FGF22: variants seen among roughly 807,000 people sequenced by gnomAD.
The protein encoded by FGF22 is fibroblast growth factor 22, also known as FGF-22.
A neutral mutation model predicts 10.3 loss-of-function variants in FGF22; 11 were observed. That is an observed-to-expected ratio of 1.07 (90% CI 0.67 to 1.77). FGF22 has a LOEUF of 1.77. Among genes scored for constraint, FGF22 ranks in the 40% most tolerant of loss-of-function variants. The pLI is 0.00. For missense variants in FGF22, 317 were observed against 273.2 expected (o/e 1.16, Z -1.13); for synonymous variants, 136 against 122.1 (o/e 1.11, Z -0.75).
chr19:640,039 C>T (rs1985849624), exon 1 of FGF22: 2 of 1,407,436 alleles, frequency 1.4e-6, no homozygotes, highest in Non-Finnish European at 1.9e-6. Context: ...ACCTGGAGGG[C>T]GACGTGCGCT....
chr19:643,398 C>T lies in FGF22; in HGVS notation c.319-12C>T, dbSNP rs747103045. ...GGTGGGGAGGGTGGGCCGGCCTCAC[C>T]CCCGCCCGCAGCGACTCTACACCGT... On this transcript the variant is annotated splice_polypyrimidine_tract_variant and intron_variant, in intron 2 of 2. Coordinates refer to ENST00000215530, the Ensembl canonical transcript of FGF22. 8.1e-6 allele frequency: 13 copies of T among 1,608,586 alleles called. No individual in the cohort carries two copies. Among genetic ancestry groups the T allele is most frequent in the Non-Finnish European group, 1.0e-5 (12 of 1,177,920 alleles).
At chr19:640,077 T>C in exon 1 of FGF22, 1 of 1,418,816 alleles carries the variant, frequency 7.0e-7, no homozygotes, top group Non-Finnish European at 9.2e-7. Context: ...TCCACTCACT[T>C]CTTCCTGCGC....
exon 3 of FGF22, chr19:643,440 G>A (rs1320855481): frequency 1.2e-6 from 2 of 1,611,462 alleles, no homozygotes; most frequent in East Asian, 2.2e-5. Context: ...CAGGTTCCGG[G>A]AGCGCATCGA....
chr19:640,261 C>T (rs1363645211), intron 1 of FGF22, 122 bp downstream of exon 1: 22 of 596,978 alleles, frequency 3.7e-5, no homozygotes, highest in Non-Finnish European at 4.9e-5. Flanking sequence ...GCAGCCTCGG[C>T]CTCAGTTTCC....
rs771259528 is a variant in FGF22, at chr19:643,195, G to T, written c.215-40G>T. ...ACAGCGGACAGCAGCGGTGCTGGGG[G>T]TGAGCCAGCAAGGCCCTCCCCGACC... On this transcript the variant is annotated intron_variant, in intron 1 of 2. Coordinates refer to ENST00000215530, the Ensembl canonical transcript of FGF22. 4 of 1,022,758 alleles carry T rather than the reference G, an allele frequency of 3.9e-6. No individual in the cohort carries two copies. In the Admixed American group the frequency reaches 9.9e-5, roughly 25 times the overall value. 63.4% of individuals were successfully genotyped at this position (1,022,758 alleles called of 1,614,324 possible). A position where few individuals can be genotyped will look rare whatever the true frequency, so the allele number is the denominator to read the frequency against.
chr19:640,287 G>A (rs1210133005), intron 1 of FGF22, 148 bp downstream of exon 1: 2 of 457,564 alleles, frequency 4.4e-6, no homozygotes, highest in East Asian at 7.3e-5. Context: ...CTGTGAGATG[G>A]GTGCAGCCTG....
chr19:640,936 G>A, intron 1 of FGF22: 1 of 336,170 alleles, frequency 3.0e-6, no homozygotes, highest in Non-Finnish European at 6.0e-6. Flanking sequence ...GGCCGCACGT[G>A]ACGAGGGCGG....
chr19:640,161 CCTGGGGTGGGGAGGCGGCGGGTGA>C, intron 1 of FGF22, 22 bp downstream of exon 1: 1 of 1,273,988 alleles, frequency 7.8e-7, no homozygotes, highest in Non-Finnish European at 9.9e-7. Context: ...GCGGCGGGGG[CCTGGGGTGGGGAGGCGGCGGGTGA>C]CGGCAACGCG....
In FGF22 at chr19:643,400, C is replaced by G; in HGVS notation, c.319-10C>G. 3.7e-6 allele frequency: 6 copies of G among 1,609,100 alleles called. No homozygotes were observed. The highest frequency in any genetic ancestry group is 3.4e-6 in the Non-Finnish European group (4 of 1,178,200). ...TGGGGAGGGTGGGCCGGCCTCACCC[C>G]CGCCCGCAGCGACTCTACACCGTGG... On this transcript the variant is annotated splice_polypyrimidine_tract_variant and intron_variant, in intron 2 of 2. Transcript: ENST00000215530.
chr19:641,550 G>A (rs1985902011), intron 1 of FGF22: 1 of 192,980 alleles, frequency 5.2e-6, no homozygotes, highest in Non-Finnish European at 1.1e-5. Flanking sequence ...CCTCCACCCT[G>A]GGCGACAGAG....
chr19:640,057 C>A, exon 1 of FGF22: 1 of 1,416,498 alleles, frequency 7.1e-7, no homozygotes, highest in Non-Finnish European at 9.2e-7. Context: ...GCTGGCGGCG[C>A]CTCTTCTCCT....
At chr19:643,387 G>A in intron 2 of FGF22, 23 bp from the exon 3 acceptor site, 1 of 578,616 alleles carries the variant, frequency 1.7e-6, no homozygotes, top group Non-Finnish European at 3.2e-6. Flanking sequence ...GGGAGGGTGG[G>A]CCGGCCTCAC....
chr19:643,618 CGGCG>C, exon 3 of FGF22: 1 of 1,499,336 alleles, frequency 6.7e-7, no homozygotes, highest in East Asian at 2.5e-5. Context: ...CCTGAGAGGC[CGGCG>C]GCTCCCCAAG....
intron 1 of FGF22, 50 bp from the exon 2 acceptor site, chr19:643,184 CG>C (rs1985963653): frequency 1.5e-6 from 2 of 1,297,686 alleles, no homozygotes; most frequent in Admixed American, 1.9e-5. Flanking sequence ...CGGACAGCAG[CG>C]GTGCTGGGGG....
At chr19:643,715 C>T (rs1055772263) in exon 3 of FGF22, 39 of 958,520 alleles carry the variant, frequency 4.1e-5, no homozygotes, top group South Asian at 3.4e-5. Flanking sequence ...CCACCGTGTG[C>T]GGGCGCTGTG....
chr19:642,170 G>A (rs936571226), intron 1 of FGF22, among the ~76,000 whole-genome samples: 2 of 151,736 alleles, frequency 1.3e-5, no homozygotes, highest in African/African-American at 4.9e-5. Context: ...GTCCCAGTCC[G>A]GAGTCCCAGT....
At chr19:640,100 G>T in exon 1 of FGF22, 1 of 1,395,718 alleles carries the variant, frequency 7.2e-7, no homozygotes, top group South Asian at 1.5e-5. Flanking sequence ...GGATCCCGGC[G>T]GCCGCGTGCA....
Position 641,147 on chromosome 19 carries a change from A to C in FGF22, c.214+1008A>C, listed in dbSNP as rs1426906411. On this transcript the variant is annotated intron_variant, in intron 1 of 2. Transcript: ENST00000215530. ...GCCCTTCGTGCATTCGCTGGTCACTAATCGGGCACCTTGTGGGTGCTGTGC... is the reference window on the plus strand; with the variant it reads ...GCCCTTCGTGCATTCGCTGGTCACTCATCGGGCACCTTGTGGGTGCTGTGC... 6.6e-6 allele frequency: 3 copies of C among 456,330 alleles called. No homozygotes were observed. In the Admixed American group the frequency reaches 7.0e-5, roughly 11 times the overall value. 28.3% of individuals were successfully genotyped at this position (456,330 alleles called of 1,614,324 possible). A position where few individuals can be genotyped will look rare whatever the true frequency, so the allele number is the denominator to read the frequency against.
rs1342500928 is a variant in FGF22, at chr19:639,883, A to C, written c.-43A>C. On this transcript the variant is annotated 5_prime_UTR_variant, in exon 1 of 3. Transcript: ENST00000215530. The stretch of plus-strand genomic sequence containing the variant: ...CCGCCGCGCGAAGGCAGAGCCGCGG[A>C]CGCCCGGGAGCGACGAGCGCGCAGC... 8.6e-6 allele frequency: 10 copies of C among 1,162,992 alleles called. No homozygotes were observed. The Admixed American group carries it at 4.1e-4, about 48-fold the overall frequency. The allele number at this position is 1,162,992 out of a possible 1,614,324, so 72.0% of individuals were successfully genotyped here.
Sources: gnomAD v4.1 joint callset for allele counts (sites outside exome capture counted in the v4.1 genomes callset) on GRCh38, gnomAD v4.1.1 for gene constraint, MANE v1.5 for transcripts, NCBI Gene and HGNC (gene_info 2026-07-23, HGNC 2026-07-21) for gene names.